RGS6: variants seen among roughly 807,000 people sequenced by gnomAD.
The protein encoded by RGS6 is regulator of G-protein signaling 6.
A neutral mutation model predicts 78.5 loss-of-function variants in RGS6; 30 were observed. The observed-to-expected ratio is 0.38, with a 90% CI of 0.29 to 0.52. The LOEUF is 0.52. Ranked by LOEUF, RGS6 falls within the 20% of genes least tolerant of loss-of-function variation. RGS6 has a pLI of 0.85. For missense variants in RGS6, 495 were observed against 609.7 expected, an observed-to-expected ratio of 0.81 and a Z score of 1.98; for synonymous variants, 206 against 206.0, an observed-to-expected ratio of 1.00 and a Z score of 0.00.
At chr14:72,589,543 C>T in the RGS6 span, among the ~76,000 whole-genome samples, 1 of 152,172 alleles carries the variant, frequency 6.6e-6, no homozygotes, top group South Asian at 2.1e-4. Flanking sequence ...GAATGAGACG[C>T]TGTCTCAAAA....
At chr14:72,364,054 A>G (rs1359826222) in intron 3 of RGS6, among the ~76,000 whole-genome samples, 2 of 150,830 alleles carry the variant, frequency 1.3e-5, no homozygotes, top group Non-Finnish European at 2.9e-5. Flanking sequence ...GGAGTTCTCA[A>G]TGGGCTCAGA....
intron 2 of RGS6, among the ~76,000 whole-genome samples, chr14:71,968,175 G>GTGT (rs1300286029): frequency 1.3e-5 from 2 of 152,092 alleles, no homozygotes; most frequent in Non-Finnish European, 2.9e-5. Context: ...GAATTGCCCA[G>GTGT]TGTAATGATG....
At chr14:72,220,963 ATCC>A (rs2046729265) in intron 2 of RGS6, among the ~76,000 whole-genome samples, 1 of 152,136 alleles carries the variant, frequency 6.6e-6, no homozygotes, top group South Asian at 2.1e-4. Context: ...ACCTCCCTAA[ATCC>A]TCCTTATCAG....
chr14:72,259,840 G>A (rs1405515388), intron 2 of RGS6, among the ~76,000 whole-genome samples: 2 of 149,946 alleles, frequency 1.3e-5, no homozygotes, highest in African/African-American at 2.5e-5. Context: ...GAACCCGGGA[G>A]GCGGAGCTTG....
chr14:71,881,811 G>T, the RGS6 span, among the ~76,000 whole-genome samples: 7 of 152,138 alleles, frequency 4.6e-5, no homozygotes, highest in Admixed American at 3.9e-4. Flanking sequence ...CAAACTAAAG[G>T]TGTATCTGAC....
chr14:72,045,742 G>C (rs979464355), intron 2 of RGS6, among the ~76,000 whole-genome samples: 1 of 151,804 alleles, frequency 6.6e-6, no homozygotes, highest in Non-Finnish European at 1.5e-5. Flanking sequence ...AGATAGGAAG[G>C]CTAGAGGGGG....
At chr14:72,026,884 T>C (rs756256888) in intron 2 of RGS6, among the ~76,000 whole-genome samples, 3 of 152,098 alleles carry the variant, frequency 2.0e-5, no homozygotes, top group African/African-American at 7.2e-5. Context: ...AGAGGTTGGG[T>C]AGGGCAGGTG....
chr14:72,252,308 A>G (rs1206447643), intron 2 of RGS6, among the ~76,000 whole-genome samples: 3 of 152,236 alleles, frequency 2.0e-5, no homozygotes, highest in Non-Finnish European at 4.4e-5. Context: ...TCTTTTTATC[A>G]GTTAGTTTAG....
chr14:72,521,378 T>C (rs922832496), intron 15 of RGS6, among the ~76,000 whole-genome samples: 4 of 152,228 alleles, frequency 2.6e-5, no homozygotes, highest in Non-Finnish European at 4.4e-5. Flanking sequence ...AGTCAACCAG[T>C]CCTCTCTTCT....
At chr14:72,146,247 C>T (rs1009615011) in intron 2 of RGS6, among the ~76,000 whole-genome samples, 2 of 152,200 alleles carry the variant, frequency 1.3e-5, no homozygotes, top group African/African-American at 4.8e-5. Context: ...GACCTAACCA[C>T]CTCTAAGTTC....
chr14:72,405,180 A>T (rs916611501), intron 3 of RGS6, among the ~76,000 whole-genome samples: 3 of 152,204 alleles, frequency 2.0e-5, no homozygotes, highest in African/African-American at 7.2e-5. Context: ...GGCACCAGCA[A>T]AGTGGCAGGA....
chr14:72,506,984 TAAAAAAAAAAAAAAA>T lies in RGS6; in HGVS notation c.966-3149_966-3135del, dbSNP rs71109738. 4.0e-3 allele frequency among the ~76,000 whole-genome samples: 216 copies of T among 54,404 alleles called. 2 individuals are homozygous for T. Among genetic ancestry groups the T allele is most frequent in the African/African-American group, 8.2e-3 (178 of 21,626 alleles). 35.7% of individuals were successfully genotyped at this position (54,404 alleles called of 152,430 possible). On this transcript the variant is annotated intron_variant, in intron 13 of 17. Transcript: ENST00000553525. Reference sequence around the variant, plus strand: ...TAACACGGTGAAACCCTGTCTCTACTAAAAAAAAAAAAAAAAAAAAAAAAAAAAAAAAAAATTAGC... The same window carrying T: ...TAACACGGTGAAACCCTGTCTCTACTAAAAAAAAAAAAAAAAAAAATTAGC...
At chr14:72,459,171 C>T (rs954292850) in intron 5 of RGS6, among the ~76,000 whole-genome samples, 2 of 152,134 alleles carry the variant, frequency 1.3e-5, no homozygotes, top group Non-Finnish European at 2.9e-5. Context: ...ACCTAATCAC[C>T]CTCCCCACCC....
chr14:72,418,757 G>A (rs1004117208), intron 3 of RGS6, among the ~76,000 whole-genome samples: 7 of 152,030 alleles, frequency 4.6e-5, no homozygotes, highest in Non-Finnish European at 5.9e-5. Flanking sequence ...TCCTTGAATC[G>A]CAGCAGATAA....
chr14:72,242,862 T>C (rs1249659155), intron 2 of RGS6, among the ~76,000 whole-genome samples: 2 of 143,420 alleles, frequency 1.4e-5, no homozygotes, highest in African/African-American at 5.2e-5. Context: ...TTTTTTTTTT[T>C]TTTTGAGATG....
intron 8 of RGS6, 46 bp from the exon 9 acceptor site, chr14:72,472,826 A>G (rs774972806): frequency 3.4e-5 from 49 of 1,423,980 alleles, no homozygotes; most frequent in Non-Finnish European, 4.1e-5. Context: ...AGAAGGGAAA[A>G]CAGAATACAG....
At chr14:71,883,791 C>T in the RGS6 span, among the ~76,000 whole-genome samples, 5 of 152,316 alleles carry the variant, frequency 3.3e-5, no homozygotes, top group Non-Finnish European at 7.4e-5. Context: ...AAGATACTCC[C>T]ACCAGTGCCA....
chr14:72,491,048 T>A (rs2238177), intron 12 of RGS6, among the ~76,000 whole-genome samples: 8 of 152,248 alleles, frequency 5.3e-5, no homozygotes, highest in African/African-American at 1.7e-4. Flanking sequence ...AGATGGCACC[T>A]CTGACTAATT....
intron 12 of RGS6, among the ~76,000 whole-genome samples, chr14:72,480,385 G>A (rs2096347640): frequency 6.6e-6 from 1 of 152,172 alleles, no homozygotes; most frequent in African/African-American, 2.4e-5. Context: ...TTGTTTCCTT[G>A]CTGTCAGGGA....
Sources: allele counts gnomAD v4.1 joint callset (sites outside exome capture counted in the v4.1 genomes callset), GRCh38; gene constraint gnomAD v4.1.1; transcripts MANE v1.5; gene names NCBI Gene and HGNC (gene_info 2026-07-23, HGNC 2026-07-21).